The following NOS1AP variants were observed in gnomAD, a reference collection of about 807,000 sequenced individuals.
NOS1AP encodes nitric oxide synthase 1 adaptor protein, also known as carboxyl-terminal PDZ ligand of neuronal nitric oxide synthase protein.
Under a neutral mutation model 56.2 loss-of-function variants are expected in NOS1AP, and 21 were observed. That is an observed-to-expected ratio of 0.37 (90% CI 0.26 to 0.54). The LOEUF (loss-of-function observed/expected upper bound fraction) is 0.54. Ranked by LOEUF, NOS1AP falls within the 20% of genes least tolerant of loss-of-function variation. The probability of loss-of-function intolerance (pLI) is 0.84; values close to 1 mark genes in which losing one functional copy is unlikely to be tolerated. For missense variants in NOS1AP, 522 were observed against 657.8 expected, an observed-to-expected ratio of 0.79 and a Z score of 2.26; for synonymous variants, 270 against 274.6, an observed-to-expected ratio of 0.98 and a Z score of 0.17.
chr1:162,312,790 G>A (rs1177713015), intron 4 of NOS1AP, among the ~76,000 whole-genome samples: 1 of 152,026 alleles, frequency 6.6e-6, no homozygotes, highest in South Asian at 2.1e-4. Context: ...CCATGATCAA[G>A]TGGGCTTCAT....
intron 1 of NOS1AP, among the ~76,000 whole-genome samples, chr1:162,112,088 T>G (rs1283801055): frequency 6.6e-6 from 1 of 152,226 alleles, no homozygotes; most frequent in East Asian, 1.9e-4. Context: ...GGATCCCTAT[T>G]ATTTTTATTG....
chr1:162,077,688 A>G (rs1253130423), intron 1 of NOS1AP, among the ~76,000 whole-genome samples: 8 of 148,680 alleles, frequency 5.4e-5, no homozygotes, highest in Non-Finnish European at 1.0e-4. Context: ...TATGCCCTTC[A>G]CTCCCCACCC....
chr1:162,367,287 G>C lies in NOS1AP; in HGVS notation c.1341G>C (p.Ala447=). The part of the protein sequence containing the change: ...EDTPPPAQGE[A]LLGGLELIKF... ...CCCCGCCCCCAGCGCAGGGCGAGGC[G>C]CTCCTGGGCGGTCTGGAGCTCATCA... The change falls in exon 10 of 10, where the codon GCG becomes GCC. Residue 447 remains alanine (A), a synonymous_variant. Transcript: ENST00000361897. The surrounding 1 kb of genome is among the most constrained non-coding windows in gnomAD (Gnocchi z 6.5). The C allele has an allele frequency of 1.2e-6, 2 of 1,613,398 alleles. No individual in the cohort carries two copies. The highest frequency in any genetic ancestry group is 1.7e-6 in the Non-Finnish European group (2 of 1,179,912).
rs1250032796 is a variant in NOS1AP, at chr1:162,104,218, A to T, written c.105+33936A>T. Among the ~76,000 whole-genome samples, 6 of 152,306 alleles carry T rather than the reference A, an allele frequency of 3.9e-5. No homozygotes were observed. The East Asian group carries it at 9.6e-4, about 24-fold the overall frequency. On this transcript the variant is annotated intron_variant, in intron 1 of 9. Coordinates refer to ENST00000361897, the MANE Select transcript of NOS1AP (RefSeq NM_014697.3). ...TGGGTTGGAAATTCTTTGCTTTAAG[A>T]ATGTTGAATATTGGCCCCCAGTCTC...
chr1:162,142,506 A>G (rs982182625), intron 1 of NOS1AP, among the ~76,000 whole-genome samples: 3 of 152,094 alleles, frequency 2.0e-5, no homozygotes, highest in Non-Finnish European at 4.4e-5. Context: ...AGATGAACAT[A>G]TGGTCATATG....
Position 162,368,628 on chromosome 1 carries a change from A to G in NOS1AP, c.*1161A>G, listed in dbSNP as rs1397728218. On this transcript the variant is annotated 3_prime_UTR_variant, in exon 10 of 10. Coordinates refer to ENST00000361897, the MANE Select transcript of NOS1AP (RefSeq NM_014697.3). The stretch of plus-strand genomic sequence containing the variant: ...ACACATATAAAAAGTGCCATGTGCA[A>G]TTGTCTTATCTTTTATGATCTAGGC... 1 of 152,176 alleles carries G rather than the reference A, an allele frequency of 6.6e-6. No homozygotes were observed. The highest frequency in any genetic ancestry group is 1.9e-4 in the East Asian group (1 of 5,200). The allele number at this position is 152,176 out of a possible 1,614,324, so 9.4% of individuals were successfully genotyped here. A position where few individuals can be genotyped will look rare whatever the true frequency, so the allele number is the denominator to read the frequency against.
rs758166374 is a variant in NOS1AP at position 162,357,011 on chromosome 1, CCTT to C, written c.822_824del (p.Ser276del). 446 of 1,614,080 alleles carry C rather than the reference CCTT, an allele frequency of 2.8e-4. No homozygotes were observed. The highest frequency in any genetic ancestry group is 2.2e-4 in the Non-Finnish European group (258 of 1,180,038). On this transcript the variant is annotated inframe_deletion, in exon 8 of 10. Coordinates refer to ENST00000361897, the MANE Select transcript of NOS1AP (RefSeq NM_014697.3). ...GACAGCCTCACCCAGGATGCTGCTC[CCTT>C]CTTCTTCCTCGAAGCCTCCAGGCCT...
chr1:162,269,752 A>G (rs370575334), intron 2 of NOS1AP, among the ~76,000 whole-genome samples: 1 of 152,170 alleles, frequency 6.6e-6, no homozygotes, highest in African/African-American at 2.4e-5. Flanking sequence ...GGGCTATACT[A>G]TAGATACCAT....
intron 4 of NOS1AP, among the ~76,000 whole-genome samples, chr1:162,325,211 A>G (rs1212827147): frequency 6.6e-6 from 1 of 152,236 alleles, no homozygotes; most frequent in African/African-American, 2.4e-5. Flanking sequence ...GGGGAAAATG[A>G]TAATCAGACC....
chr1:162,366,782 A>G, intron 9 of NOS1AP: 1 of 570,984 alleles, frequency 1.8e-6, no homozygotes, highest in Non-Finnish European at 3.2e-6. Context: ...AACCCTATTC[A>G]GAGCCTTCAG....
chr1:162,224,575 T>C (rs1216921205), intron 2 of NOS1AP, among the ~76,000 whole-genome samples: 1 of 152,160 alleles, frequency 6.6e-6, no homozygotes, highest in Non-Finnish European at 1.5e-5. Context: ...CAGGTAGCTG[T>C]GGCACTAAGA....
At chr1:162,096,358 C>G (rs1043954608) in intron 1 of NOS1AP, among the ~76,000 whole-genome samples, 2 of 152,164 alleles carry the variant, frequency 1.3e-5, no homozygotes, top group Non-Finnish European at 2.9e-5. Context: ...CCAGTGTCTT[C>G]CAGTGTAACT....
At chr1:162,179,478 G>A (rs1651176856) in intron 2 of NOS1AP, among the ~76,000 whole-genome samples, 1 of 152,244 alleles carries the variant, frequency 6.6e-6, no homozygotes, top group South Asian at 2.1e-4. Flanking sequence ...AAAGACAGAG[G>A]AAGGAAAAAG....
At chr1:162,099,937 C>T (rs1692342758) in intron 1 of NOS1AP, among the ~76,000 whole-genome samples, 2 of 151,704 alleles carry the variant, frequency 1.3e-5, no homozygotes, top group African/African-American at 4.8e-5. Context: ...CCAGCTTCAT[C>T]CATGTCCCTA....
intron 2 of NOS1AP, among the ~76,000 whole-genome samples, chr1:162,237,322 A>G (rs1195497149): frequency 6.6e-6 from 1 of 152,220 alleles, no homozygotes; most frequent in Non-Finnish European, 1.5e-5. Flanking sequence ...ATTTAACTGT[A>G]AAATTGGGCC....
intron 2 of NOS1AP, among the ~76,000 whole-genome samples, chr1:162,281,816 A>C (rs569168394): frequency 6.6e-6 from 1 of 152,366 alleles, no homozygotes; most frequent in South Asian, 2.1e-4. Context: ...TAAAATATAC[A>C]TGACATAAAA....
intron 8 of NOS1AP, chr1:162,364,965 G>A: frequency 1.9e-6 from 2 of 1,034,582 alleles, no homozygotes; most frequent in South Asian, 3.8e-5. Flanking sequence ...TTTTTTAGAA[G>A]ACAGGATGAG....
intron 2 of NOS1AP, among the ~76,000 whole-genome samples, chr1:162,191,809 T>A (rs1651656302): frequency 6.6e-6 from 1 of 152,168 alleles, no homozygotes; most frequent in Non-Finnish European, 1.5e-5. Flanking sequence ...ATGGTAATAA[T>A]GTCATTGAAA....
intron 1 of NOS1AP, among the ~76,000 whole-genome samples, chr1:162,130,613 A>C: frequency 6.6e-6 from 1 of 152,160 alleles, no homozygotes; most frequent in East Asian, 1.9e-4. Flanking sequence ...TCAGAGTAAG[A>C]CTTATTTAAG....
Sources: allele counts gnomAD v4.1 joint callset (sites outside exome capture counted in the v4.1 genomes callset), GRCh38; gene constraint gnomAD v4.1.1; non-coding constraint Gnocchi (gnomAD v3.1); transcripts MANE v1.5; gene names NCBI Gene and HGNC (gene_info 2026-07-23, HGNC 2026-07-21).